The following HTR1F variants were observed in gnomAD, a reference collection of about 807,000 sequenced individuals.
The protein encoded by HTR1F is 5-hydroxytryptamine (serotonin) receptor 1F, G protein-coupled.
HTR1F carries 17 observed loss-of-function variants against 24.0 expected under a neutral mutation model. That is an observed-to-expected ratio of 0.71 (90% CI 0.48 to 1.06). HTR1F has a LOEUF of 1.06. HTR1F is among the 50% of genes least tolerant of loss of function. The pLI is 0.00. For missense variants in HTR1F, 391 were observed against 427.8 expected, an observed-to-expected ratio of 0.91 and a Z score of 0.76; for synonymous variants, 186 against 156.8, an observed-to-expected ratio of 1.19 and a Z score of -1.39.
intron 2 of HTR1F, among the ~76,000 whole-genome samples, chr3:87,894,320 G>A (rs1366099211): frequency 1.3e-5 from 2 of 150,002 alleles, no homozygotes; most frequent in Admixed American, 6.6e-5. Flanking sequence ...GCGGTGGCAC[G>A]ATCACTGCTC....
chr3:87,855,232 G>A (rs1041182217), intron 2 of HTR1F, among the ~76,000 whole-genome samples: 3 of 152,062 alleles, frequency 2.0e-5, no homozygotes, highest in Non-Finnish European at 2.9e-5. Flanking sequence ...GAAGGCTTAA[G>A]TGGGGATACA....
At chr3:87,910,520 C>T (rs1273536671) in intron 2 of HTR1F, among the ~76,000 whole-genome samples, 2 of 151,932 alleles carry the variant, frequency 1.3e-5, no homozygotes, top group African/African-American at 2.4e-5. Flanking sequence ...CACAATAATA[C>T]TGGGAGAATT....
intron 2 of HTR1F, among the ~76,000 whole-genome samples, chr3:87,982,983 T>G (rs1452923612): frequency 6.6e-6 from 1 of 152,210 alleles, no homozygotes; most frequent in African/African-American, 2.4e-5. Context: ...GTGCCATGAT[T>G]AGATGAGATC....
rs1444180012 is a variant in HTR1F at position 87,917,988 on chromosome 3, G to A, written c.-42-72720G>A. Among the ~76,000 whole-genome samples the A allele has an allele frequency of 4.6e-5, 7 of 151,904 alleles. No individual in the cohort carries two copies. In the East Asian group the frequency reaches 1.4e-3, roughly 29 times the overall value. On this transcript the variant is annotated intron_variant, in intron 2 of 2. Coordinates refer to ENST00000319595, the MANE Select transcript of HTR1F (RefSeq NM_001322209.2). ...AATCCTTGACAAAATACTGTCTAACGAATCCAACAACATATCAAAAAGATA... is the reference window on the plus strand; with the variant it reads ...AATCCTTGACAAAATACTGTCTAACAAATCCAACAACATATCAAAAAGATA...
chr3:87,902,948 C>T (rs1239821579), intron 2 of HTR1F, among the ~76,000 whole-genome samples: 1 of 151,698 alleles, frequency 6.6e-6, no homozygotes, highest in African/African-American at 2.4e-5. Flanking sequence ...TGGAACAGAA[C>T]AGAGCCCTCA....
intron 2 of HTR1F, among the ~76,000 whole-genome samples, chr3:87,885,670 C>G (rs1474740190): frequency 2.0e-5 from 3 of 152,078 alleles, no homozygotes; most frequent in Non-Finnish European, 4.4e-5. Flanking sequence ...CACTACCAAT[C>G]CCACAAAAAT....
chr3:87,976,823 T>C (rs571240475), intron 2 of HTR1F, among the ~76,000 whole-genome samples: 1 of 152,312 alleles, frequency 6.6e-6, no homozygotes, highest in Admixed American at 6.5e-5. Context: ...GGGCACAGAA[T>C]ATCCAGATTC....
At chr3:87,978,405 A>G (rs1705446730) in intron 2 of HTR1F, among the ~76,000 whole-genome samples, 1 of 152,166 alleles carries the variant, frequency 6.6e-6, no homozygotes, top group Non-Finnish European at 1.5e-5. Flanking sequence ...AGGAAGAATG[A>G]TAACTAGAGA....
intron 2 of HTR1F, among the ~76,000 whole-genome samples, chr3:87,881,234 G>T (rs1197315311): frequency 6.6e-6 from 1 of 151,570 alleles, no homozygotes. Flanking sequence ...CCTAAATACT[G>T]AGCTTTTCCA....
At position 87,872,383 on chromosome 3, in the gene HTR1F, C is replaced by T. The variant is rs923741105; in HGVS notation, c.-43+50259C>T. Among the ~76,000 whole-genome samples the T allele has an allele frequency of 4.6e-5, 7 of 151,874 alleles. No individual in the cohort carries two copies. The South Asian group carries it at 6.2e-4, about 14-fold the overall frequency. On this transcript the variant is annotated intron_variant, in intron 2 of 2. Coordinates refer to ENST00000319595, the MANE Select transcript of HTR1F (RefSeq NM_001322209.2). ...TATGCAAGTAAGAAGAAAATAAGAA[C>T]AAACTAAACTCACAGTTAACTGAAG...
At position 87,830,894 on chromosome 3, in the gene HTR1F, A is replaced by C. The variant is rs563927756; in HGVS notation, c.-43+8770A>C. 1.4e-4 allele frequency among the ~76,000 whole-genome samples: 21 copies of C among 152,348 alleles called. No homozygotes were observed. In the South Asian group the frequency reaches 4.3e-3, roughly 32 times the overall value. On this transcript the variant is annotated intron_variant, in intron 2 of 2. Coordinates refer to ENST00000319595, the MANE Select transcript of HTR1F (RefSeq NM_001322209.2). ...ATATTTTACAATGAGTTCTTTCTCT[A>C]AGCAATGTTTATGGCACATGTATTG...
At chr3:87,888,701 T>G (rs1163370733) in intron 2 of HTR1F, among the ~76,000 whole-genome samples, 1 of 152,208 alleles carries the variant, frequency 6.6e-6, no homozygotes, top group South Asian at 2.1e-4. Flanking sequence ...TCTTGATTCC[T>G]TGCTATCTAA....
chr3:87,962,199 G>C (rs1039635177), intron 2 of HTR1F, among the ~76,000 whole-genome samples: 6 of 152,050 alleles, frequency 3.9e-5, no homozygotes, highest in African/African-American at 4.8e-5. Flanking sequence ...GGACCAGCCT[G>C]AGAATTCAGA....
At chr3:87,794,011 A>T (rs1703861914) in intron 1 of HTR1F, among the ~76,000 whole-genome samples, 1 of 151,766 alleles carries the variant, frequency 6.6e-6, no homozygotes, top group African/African-American at 2.4e-5. Flanking sequence ...AAAACAGTAC[A>T]AATTTTAAAA....
intron 2 of HTR1F, among the ~76,000 whole-genome samples, chr3:87,887,206 C>A (rs576248745): frequency 9.2e-5 from 14 of 152,124 alleles, no homozygotes; most frequent in African/African-American, 3.1e-4. Flanking sequence ...GAAAACCTGA[C>A]AAAAACAAGG....
Position 87,870,371 on chromosome 3 carries a change from C to T in HTR1F, c.-43+48247C>T, listed in dbSNP as rs139187362. 1.0e-3 allele frequency among the ~76,000 whole-genome samples: 156 copies of T among 152,136 alleles called. 1 individual carries two copies. Among genetic ancestry groups the T allele is most frequent in the South Asian group, 7.7e-3 (37 of 4,824 alleles). Reference sequence around the variant, plus strand: ...TCCAACTAAGACAGTAACTTAATAACAATATATTAGCCAAAAAGCTTTACC... The same window carrying T: ...TCCAACTAAGACAGTAACTTAATAATAATATATTAGCCAAAAAGCTTTACC... On this transcript the variant is annotated intron_variant, in intron 2 of 2. Transcript: ENST00000319595.
At chr3:87,891,066 C>A (rs1341179965) in intron 2 of HTR1F, among the ~76,000 whole-genome samples, 4 of 152,068 alleles carry the variant, frequency 2.6e-5, no homozygotes, top group Non-Finnish European at 1.5e-5. Context: ...GTCTTGAACT[C>A]CTGACCTCAG....
intron 2 of HTR1F, among the ~76,000 whole-genome samples, chr3:87,873,329 G>A (rs1705601537): frequency 6.6e-6 from 1 of 152,108 alleles, no homozygotes; most frequent in Admixed American, 6.6e-5. Context: ...AACCATGGGA[G>A]TGGAAGGAGG....
intron 2 of HTR1F, among the ~76,000 whole-genome samples, chr3:87,875,728 T>A: frequency 6.6e-6 from 1 of 151,350 alleles, no homozygotes. Context: ...ATTGAGACCA[T>A]CCTGGCTAAC....
Sources: gnomAD v4.1 joint callset for allele counts (sites outside exome capture counted in the v4.1 genomes callset) on GRCh38, gnomAD v4.1.1 for gene constraint, MANE v1.5 for transcripts, NCBI Gene and HGNC (gene_info 2026-07-23, HGNC 2026-07-21) for gene names.